PPFIA3: variants seen among roughly 807,000 people sequenced by gnomAD.
PPFIA3 encodes the protein liprin-alpha-3.
PPFIA3 carries 26 observed loss-of-function variants against 145.8 expected under a neutral mutation model. The ratio of observed to expected loss-of-function variants is 0.18; its 90% CI spans 0.13 to 0.25. PPFIA3 has a LOEUF of 0.25. PPFIA3 is among the 10% of genes least tolerant of loss of function. The pLI, the probability that PPFIA3 is intolerant of heterozygous loss-of-function variation, is 1.00. For missense variants in PPFIA3, 1,008 were observed against 1,587.8 expected (o/e 0.63, Z 6.21); for synonymous variants, 645 against 661.4 (o/e 0.98, Z 0.38).
intron 11 of PPFIA3, 109 bp downstream of exon 11, chr19:49,134,274 A>C: frequency 5.0e-6 from 7 of 1,404,552 alleles, no homozygotes; most frequent in Middle Eastern, 1.9e-4. Context: ...GGCCTCCCTA[A>C]ACCCCGGCAT....
At chr19:49,119,856 C>G (rs2040912335) in intron 1 of PPFIA3, 134 bp downstream of exon 1, 1 of 152,202 alleles carries the variant, frequency 6.6e-6, no homozygotes, top group African/African-American at 2.4e-5. Flanking sequence ...ACACCCCAAC[C>G]CCGGGGACTC....
chr19:49,135,035 TTTTGTTTG>T (rs4002361), intron 13 of PPFIA3, 120 bp downstream of exon 13: 26 of 690,978 alleles, frequency 3.8e-5, no homozygotes, highest in South Asian at 4.9e-5. Flanking sequence ...TGTTTTTGTT[TTTTGTTTG>T]TTTGTTTGTT....
intron 11 of PPFIA3, 57 bp from the exon 12 acceptor site, chr19:49,134,582 G>A (rs2041114615): frequency 1.3e-6 from 2 of 1,527,914 alleles, no homozygotes; most frequent in Middle Eastern, 1.7e-4. Flanking sequence ...GCTGCCTGCA[G>A]CCCCACGGGC....
In PPFIA3 at chr19:49,127,166, G is replaced by A. The variant is rs184620711; in HGVS notation, c.-15-693G>A. 5.3e-3 allele frequency among the ~76,000 whole-genome samples: 799 copies of A among 150,356 alleles called. 7 individuals are homozygous for A. Among genetic ancestry groups the A allele is most frequent in the African/African-American group, 0.018 (756 of 40,912 alleles). On this transcript the variant is annotated intron_variant, in intron 1 of 29. Coordinates refer to ENST00000334186, the MANE Select transcript of PPFIA3 (RefSeq NM_003660.4). ...TGGGAGGCCGAGGCGGGCAGATCAC[G>A]AGGTCAGGAGTTCGAGACCAGCCTG...
chr19:49,150,514 G>C lies in PPFIA3; in HGVS notation c.*292G>C. The C allele has an allele frequency of 5.8e-6, 1 of 173,332 alleles. No individual in the cohort carries two copies. The highest frequency in any genetic ancestry group is 1.2e-5 in the Non-Finnish European group (1 of 81,726). The allele number at this position is 173,332 out of a possible 1,614,324, so 10.7% of individuals were successfully genotyped here. A position where few individuals can be genotyped will look rare whatever the true frequency, so the allele number is the denominator to read the frequency against. On this transcript the variant is annotated 3_prime_UTR_variant, in exon 30 of 30. Transcript: ENST00000334186. ...CTTTGTAATTTATTGATCAGTTTCT[G>C]TTGGGAGACGGGTGTCCTTTACCCG...
Position 49,139,738 on chromosome 19 carries a change from C to T in PPFIA3, c.2147C>T (p.Pro716Leu), listed in dbSNP as rs776699837. Reference protein sequence around the residue: ...EGPAIPGDTPPPTPRSARLER... With the variant: ...EGPAIPGDTPLPTPRSARLER... ...CCGGCCATCCCAGGAGACACCCCACCACCCACTCCCCGCTCTGCCCGTCTT... is the reference window on the plus strand; with the variant it reads ...CCGGCCATCCCAGGAGACACCCCACTACCCACTCCCCGCTCTGCCCGTCTT... The change falls in exon 17 of 30, where the codon CCA becomes CTA. Residue 716 changes from proline (P) to leucine (L), a missense_variant. By Grantham distance (98) the Pro-to-Leu change is moderately conservative. Coordinates refer to ENST00000334186, the MANE Select transcript of PPFIA3 (RefSeq NM_003660.4). 2 of 1,613,918 alleles carry T rather than the reference C, an allele frequency of 1.2e-6. No homozygotes were observed. Among genetic ancestry groups the T allele is most frequent in the Non-Finnish European group, 1.7e-6 (2 of 1,179,874 alleles).
intron 21 of PPFIA3, among the ~76,000 whole-genome samples, chr19:49,144,647 G>A (rs745680252): frequency 2.6e-5 from 4 of 151,980 alleles, no homozygotes; most frequent in South Asian, 2.1e-4. Flanking sequence ...CCAGGAGGTC[G>A]AGGCTGCAGT....
intron 21 of PPFIA3, among the ~76,000 whole-genome samples, chr19:49,144,899 T>C (rs1228223247): frequency 6.6e-6 from 1 of 151,832 alleles, no homozygotes; most frequent in African/African-American, 2.4e-5. Flanking sequence ...GGCATTCACA[T>C]TGTTGTTAAT....
chr19:49,128,605 T>C lies in PPFIA3; in HGVS notation c.342+137T>C, dbSNP rs1481972000. 1 of 845,462 alleles carries C rather than the reference T, an allele frequency of 1.2e-6. No homozygotes were observed. Among genetic ancestry groups the C allele is most frequent in the South Asian group, 1.6e-5 (1 of 61,332 alleles). The allele number at this position is 845,462 out of a possible 1,614,324, so 52.4% of individuals were successfully genotyped here. ...CTTTCTGTCTTCTCCTCTTCCCTGC[T>C]CCCACTTCCTGGCTGGTCTCCCACT... On this transcript the variant is annotated intron_variant, in intron 3 of 29. Coordinates refer to ENST00000334186, the MANE Select transcript of PPFIA3 (RefSeq NM_003660.4). The surrounding 1 kb of genome is among the most constrained non-coding windows in gnomAD (Gnocchi z 4.1).
intron 24 of PPFIA3, 199 bp downstream of exon 24, chr19:49,148,457 C>T: frequency 1.3e-6 from 1 of 763,794 alleles, no homozygotes. Flanking sequence ...AATGGCTTGG[C>T]TAGTTAACCC....
rs2041338254 is a variant in PPFIA3 at position 49,150,685 on chromosome 19, CT to C, written c.*464del. 1 of 153,564 alleles carries C rather than the reference CT, an allele frequency of 6.5e-6. No individual in the cohort carries two copies. The highest frequency in any genetic ancestry group is 2.4e-5 in the African/African-American group (1 of 41,478). 9.5% of individuals were successfully genotyped at this position (153,564 alleles called of 1,614,324 possible). A position where few individuals can be genotyped will look rare whatever the true frequency, so the allele number is the denominator to read the frequency against. ...GACTCGCTGCTACAAGCCTCGCCCC[CT>C]GTGCCACTCAGCTCCGCCCCGCCGC... On this transcript the variant is annotated 3_prime_UTR_variant, in exon 30 of 30. Transcript: ENST00000334186.
chr19:49,129,919 G>A, intron 5 of PPFIA3, 74 bp from the exon 6 acceptor site: 1 of 1,514,892 alleles, frequency 6.6e-7, no homozygotes, highest in Non-Finnish European at 9.1e-7. Context: ...CCCCTTAGAG[G>A]GCCAATGCCA....
Position 49,128,232 on chromosome 19 carries a change from T to C in PPFIA3, c.240+119T>C, listed in dbSNP as rs1361927637. Reference sequence around the variant, plus strand: ...GAGTCTGGGCGAGGCTTGCCGTTAATGGGCGGGGCCTGAGTGGCAAGGGAC... The same window carrying C: ...GAGTCTGGGCGAGGCTTGCCGTTAACGGGCGGGGCCTGAGTGGCAAGGGAC... On this transcript the variant is annotated intron_variant, in intron 2 of 29. Coordinates refer to ENST00000334186, the MANE Select transcript of PPFIA3 (RefSeq NM_003660.4). This position sits in a 1 kb window ranked among gnomAD's most constrained non-coding sequence, Gnocchi z 4.1. 2.7e-6 allele frequency: 4 copies of C among 1,483,832 alleles called. No homozygotes were observed. The highest frequency in any genetic ancestry group is 1.3e-5 in the South Asian group (1 of 79,438). The allele number at this position is 1,483,832 out of a possible 1,614,324, so 91.9% of individuals were successfully genotyped here.
In PPFIA3 at chr19:49,128,047, G is replaced by A. The variant is rs761995003; in HGVS notation, c.174G>A (p.Leu58=). Residue 58 remains leucine (L), a synonymous_variant, in exon 2 of 30, where the codon CTG becomes CTA. Transcript: ENST00000334186. This position sits in a 1 kb window ranked among gnomAD's most constrained non-coding sequence, Gnocchi z 4.1. Reference sequence around the variant, plus strand: ...AGGACGGGTTGGCTACAGCGCAGCTGCGGCTGCGCGAGCTCGGCCACGAGA... The same window carrying A: ...AGGACGGGTTGGCTACAGCGCAGCTACGGCTGCGCGAGCTCGGCCACGAGA... ...EAQDGLATAQ[L]RLRELGHEKD... is the part of the protein sequence containing the mutation. 1.2e-5 allele frequency: 19 copies of A among 1,595,158 alleles called. No homozygotes were observed. The South Asian group carries it at 1.2e-4, about 10-fold the overall frequency.
At chr19:49,138,703 C>G (rs1347099436) in intron 16 of PPFIA3, among the ~76,000 whole-genome samples, 1 of 152,186 alleles carries the variant, frequency 6.6e-6, no homozygotes, top group South Asian at 2.1e-4. Context: ...GGTGCGGTGG[C>G]TCACGCCTGT....
At chr19:49,123,912 T>C (rs957004210) in intron 1 of PPFIA3, among the ~76,000 whole-genome samples, 1 of 152,188 alleles carries the variant, frequency 6.6e-6, no homozygotes, top group African/African-American at 2.4e-5. Flanking sequence ...TCTGCCACTT[T>C]GGCATTCTAA....
In PPFIA3 at chr19:49,128,663, CT is replaced by C. The variant is rs1464322707; in HGVS notation, c.343-181del. On this transcript the variant is annotated intron_variant, in intron 3 of 29. Coordinates refer to ENST00000334186, the MANE Select transcript of PPFIA3 (RefSeq NM_003660.4). This position sits in a 1 kb window ranked among gnomAD's most constrained non-coding sequence, Gnocchi z 4.1. ...CACTCCTTCCTCCCTGTCTCCATAA[CT>C]TTTCTCTTTTCTGTACCACCGGTTC... 1 of 753,270 alleles carries C rather than the reference CT, an allele frequency of 1.3e-6. No homozygotes were observed. The highest frequency in any genetic ancestry group is 2.1e-6 in the Non-Finnish European group (1 of 472,430). The allele number at this position is 753,270 out of a possible 1,614,324, so 46.7% of individuals were successfully genotyped here. A position where few individuals can be genotyped will look rare whatever the true frequency, so the allele number is the denominator to read the frequency against.
chr19:49,140,300 A>C (rs1197316920), intron 18 of PPFIA3, among the ~76,000 whole-genome samples: 1 of 152,142 alleles, frequency 6.6e-6, no homozygotes, highest in Admixed American at 6.5e-5. Flanking sequence ...GTGACTGGGT[A>C]GGTAAAGGAA....
intron 23 of PPFIA3, among the ~76,000 whole-genome samples, chr19:49,147,048 G>T (rs2041288832): frequency 6.6e-6 from 1 of 152,228 alleles, no homozygotes; most frequent in Non-Finnish European, 1.5e-5. Context: ...GGGAGGCGTG[G>T]ATTTTGTGCT....
Sources: gnomAD v4.1 joint callset for allele counts (sites outside exome capture counted in the v4.1 genomes callset) on GRCh38, gnomAD v4.1.1 for gene constraint, Gnocchi (gnomAD v3.1) non-coding constraint, MANE v1.5 for transcripts, NCBI Gene and HGNC (gene_info 2026-07-23, HGNC 2026-07-21) for gene names.